The following PCDHGA2 variants were observed in gnomAD, a reference collection of about 807,000 sequenced individuals.
PCDHGA2 encodes protocadherin gamma-A2.
A neutral mutation model predicts 59.2 loss-of-function variants in PCDHGA2; 40 were observed. The observed-to-expected ratio is 0.68, with a 90% CI of 0.52 to 0.88. The LOEUF (loss-of-function observed/expected upper bound fraction) is 0.88, where lower values mean the gene tolerates loss of function less well. PCDHGA2 is among the 40% of genes least tolerant of loss of function. The pLI is 0.00. For synonymous variants in PCDHGA2, 560 were observed against 526.0 expected, an observed-to-expected ratio of 1.06 and a Z score of -0.89; for missense variants, 1,226 against 1,204.0, an observed-to-expected ratio of 1.02 and a Z score of -0.27.
chr5:141,423,348 C>G, intron 1 of PCDHGA2: 1 of 1,614,222 alleles, frequency 6.2e-7, no homozygotes. Flanking sequence ...TCTTCCTGGT[C>G]TTTGTCATCG....
chr5:141,475,139 C>T (rs928313061), intron 1 of PCDHGA2, among the ~76,000 whole-genome samples: 2 of 151,928 alleles, frequency 1.3e-5, no homozygotes, highest in African/African-American at 4.8e-5. Flanking sequence ...TTTTTGAAAT[C>T]TTCTCCGTCT....
At position 141,432,908 on chromosome 5, in the gene PCDHGA2, C is replaced by A. The variant is rs757934634; in HGVS notation, c.2425-61899C>A. On this transcript the variant is annotated intron_variant, in intron 1 of 3. Coordinates refer to ENST00000394576, the MANE Select transcript of PCDHGA2 (RefSeq NM_018915.4). This position sits in a 1 kb window ranked among gnomAD's most constrained non-coding sequence, Gnocchi z 6.0. ...CATCTTGCTGCTGGCGCTCAGGCTGCGGCGCTGGCACAAGTCACGCCTGCT... is the reference window on the plus strand; with the variant it reads ...CATCTTGCTGCTGGCGCTCAGGCTGAGGCGCTGGCACAAGTCACGCCTGCT... The A allele has an allele frequency of 1.6e-5, 26 of 1,614,168 alleles. No individual in the cohort carries two copies. Among genetic ancestry groups the A allele is most frequent in the Middle Eastern group, 1.7e-4 (1 of 6,060 alleles).
chr5:141,400,352 G>A (rs1214813312), intron 1 of PCDHGA2: 2 of 1,614,044 alleles, frequency 1.2e-6, no homozygotes, highest in Non-Finnish European at 1.7e-6. Flanking sequence ...TACAGTCAGG[G>A]GACTTTGCCT....
In PCDHGA2 at chr5:141,361,967, C is replaced by T; in HGVS notation, c.2424+20572C>T. The T allele has an allele frequency of 6.2e-7, 1 of 1,601,694 alleles. No homozygotes were observed. Among genetic ancestry groups the T allele is most frequent in the Admixed American group, 1.7e-5 (1 of 59,418 alleles). On this transcript the variant is annotated intron_variant, in intron 1 of 3. Transcript: ENST00000394576. ...TGGCTGTCCTACCACGTGCTGCAGG[C>T]CAGCGAGCCCGGGCTCTTCAGCCTG...
rs372460685 is a variant in PCDHGA2 at position 141,365,741 on chromosome 5, A to G, written c.2424+24346A>G. 63 of 1,613,506 alleles carry G rather than the reference A, an allele frequency of 3.9e-5. No individual in the cohort carries two copies. In the Middle Eastern group the frequency reaches 1.6e-3, roughly 42 times the overall value. On this transcript the variant is annotated intron_variant, in intron 1 of 3. Coordinates refer to ENST00000394576, the MANE Select transcript of PCDHGA2 (RefSeq NM_018915.4). ...AGAAAACAATCCCAGAGGTGTCTCT[A>G]TCTTCTCTGTGACAGCCCATGACCC...
chr5:141,395,237 G>C (rs760516487), intron 1 of PCDHGA2: 2 of 1,590,946 alleles, frequency 1.3e-6, no homozygotes, highest in Non-Finnish European at 8.6e-7. Flanking sequence ...ATCATGGTCA[G>C]GTGAGTTTAG....
chr5:141,374,633 A>G, intron 1 of PCDHGA2: 1 of 1,613,130 alleles, frequency 6.2e-7, no homozygotes, highest in South Asian at 1.1e-5. Flanking sequence ...GGACGTGCAA[A>G]GCGAAGCCCA....
chr5:141,420,271 A>G, intron 1 of PCDHGA2: 1 of 1,536,584 alleles, frequency 6.5e-7, no homozygotes, highest in Non-Finnish European at 8.8e-7. Flanking sequence ...AGATTCTTAA[A>G]CAGGTAAGTA....
chr5:141,371,128 A>G (rs1767509392), intron 1 of PCDHGA2: 1 of 1,614,008 alleles, frequency 6.2e-7, no homozygotes, highest in Non-Finnish European at 8.5e-7. Context: ...TTTACTCAGG[A>G]CATGTACAGG....
Position 141,490,943 on chromosome 5 carries a change from G to A in PCDHGA2, c.2425-3864G>A, listed in dbSNP as rs1035375216. The A allele has an allele frequency of 6.8e-6, 11 of 1,613,470 alleles. No homozygotes were observed. The East Asian group carries it at 1.1e-4, about 16-fold the overall frequency. On this transcript the variant is annotated intron_variant, in intron 1 of 3. Coordinates refer to ENST00000394576, the MANE Select transcript of PCDHGA2 (RefSeq NM_018915.4). This position sits in a 1 kb window ranked among gnomAD's most constrained non-coding sequence, Gnocchi z 5.4. Reference sequence around the variant, plus strand: ...AATGCCCCAGCTGTGCTGCACCCACGGCCAGACTGGGAACACTCAGCCCCC... The same window carrying A: ...AATGCCCCAGCTGTGCTGCACCCACAGCCAGACTGGGAACACTCAGCCCCC...
At chr5:141,430,405 A>T (rs1163049877) in intron 1 of PCDHGA2, among the ~76,000 whole-genome samples, 1 of 152,124 alleles carries the variant, frequency 6.6e-6, no homozygotes, top group Non-Finnish European at 1.5e-5. Flanking sequence ...AAGCTCACTA[A>T]AGTTTCTATT....
In PCDHGA2 at chr5:141,375,951, C is replaced by T. The variant is rs767101939; in HGVS notation, c.2424+34556C>T. 10 of 1,613,526 alleles carry T rather than the reference C, an allele frequency of 6.2e-6. No individual in the cohort carries two copies. The Admixed American group carries it at 1.5e-4, about 24-fold the overall frequency. ...GGACTTTTCTCAGTGGGCCTGCACA[C>T]GGGCGAGGTGCGCACGGCGCGCGCC... On this transcript the variant is annotated intron_variant, in intron 1 of 3. Transcript: ENST00000394576.
chr5:141,389,644 C>T (rs2091854728), intron 1 of PCDHGA2: 1 of 1,612,926 alleles, frequency 6.2e-7, no homozygotes, highest in Admixed American at 1.7e-5. Context: ...TACTTGGTGA[C>T]CAAGGTAGTG....
chr5:141,347,799 A>T (rs1758022091), intron 1 of PCDHGA2, among the ~76,000 whole-genome samples: 1 of 152,116 alleles, frequency 6.6e-6, no homozygotes, highest in African/African-American at 2.4e-5. Flanking sequence ...AAAAAAAAAA[A>T]AAGTAGAGGC....
intron 3 of PCDHGA2, among the ~76,000 whole-genome samples, chr5:141,506,038 G>C (rs2099850248): frequency 6.6e-6 from 1 of 152,174 alleles, no homozygotes; most frequent in South Asian, 2.1e-4. Context: ...GTAGGATTCT[G>C]GTTTTCCCAT....
At chr5:141,500,877 A>ATT (rs369345007) in intron 2 of PCDHGA2, among the ~76,000 whole-genome samples, 3 of 122,284 alleles carry the variant, frequency 2.5e-5, no homozygotes, top group Admixed American at 2.4e-4. Flanking sequence ...TTCATTTACA[A>ATT]TTTTTTTTTT....
intron 1 of PCDHGA2, chr5:141,362,723 G>T (rs1762653397): frequency 2.3e-6 from 2 of 865,892 alleles, no homozygotes; most frequent in Admixed American, 5.9e-5. Flanking sequence ...TCTCTGAAGT[G>T]TGAGATTTAT....
At chr5:141,356,726 C>G (rs1209862693) in intron 1 of PCDHGA2, 5 of 1,614,024 alleles carry the variant, frequency 3.1e-6, no homozygotes, top group Admixed American at 1.7e-5. Flanking sequence ...TCCATCAACT[C>G]CAATACAGGG....
intron 1 of PCDHGA2, chr5:141,361,642 T>C: frequency 6.2e-7 from 1 of 1,613,838 alleles, no homozygotes; most frequent in Non-Finnish European, 8.5e-7. Flanking sequence ...GGAGATTTTA[T>C]CCTACGTGTC....
Sources: allele counts gnomAD v4.1 joint callset (sites outside exome capture counted in the v4.1 genomes callset), GRCh38; gene constraint gnomAD v4.1.1; non-coding constraint Gnocchi (gnomAD v3.1); transcripts MANE v1.5; gene names NCBI Gene and HGNC (gene_info 2026-07-23, HGNC 2026-07-21).